The following CLCC1 variants were observed in gnomAD, a reference collection of about 807,000 sequenced individuals.
The protein encoded by CLCC1 is chloride channel CLIC-like protein 1.
In CLCC1, 39 loss-of-function variants were observed where a neutral mutation model predicts 63.3. The observed-to-expected ratio is 0.62, with a 90% CI of 0.48 to 0.81. CLCC1 has a LOEUF of 0.81. CLCC1 is among the 30% of genes least tolerant of loss of function. The probability of loss-of-function intolerance (pLI) is 0.00; values close to 1 mark genes in which losing one functional copy is unlikely to be tolerated. For synonymous variants in CLCC1, 217 were observed against 239.8 expected (o/e 0.90, Z 0.88); for missense variants, 549 against 669.4 (o/e 0.82, Z 1.98).
chr1:108,943,325 A>C (rs1654090055), intron 7 of CLCC1, 150 bp downstream of exon 7: 1 of 738,398 alleles, frequency 1.4e-6, no homozygotes, highest in Non-Finnish European at 2.3e-6. Context: ...GTCAGCTAAG[A>C]AGTGTCCATT....
chr1:108,946,915 G>A (rs988963855), intron 5 of CLCC1, among the ~76,000 whole-genome samples: 1 of 152,122 alleles, frequency 6.6e-6, no homozygotes, highest in Non-Finnish European at 1.5e-5. Context: ...TGTAATCCCA[G>A]CACTTTGGGA....
intron 2 of CLCC1, among the ~76,000 whole-genome samples, chr1:108,954,819 T>C (rs1305042564): frequency 1.1e-5 from 1 of 88,908 alleles, no homozygotes; most frequent in African/African-American, 4.7e-5. Flanking sequence ...TGTCTTTGCG[T>C]GTGTGTGTGT....
Position 108,950,439 on chromosome 1 carries a change from C to G in CLCC1, c.-2G>C. ...ACAAAGGAGCAAAGAACACAGCATC[C>G]TGTATAAGGCTAAAACAATTTTTAA... On this transcript the variant is annotated 5_prime_UTR_variant, in exon 3 of 13. Transcript: ENST00000369969. 1 of 1,562,838 alleles carries G rather than the reference C, an allele frequency of 6.4e-7. No individual in the cohort carries two copies. Among genetic ancestry groups the G allele is most frequent in the Non-Finnish European group, 8.7e-7 (1 of 1,152,552 alleles).
rs535174452 is a variant in CLCC1 at position 108,947,759 on chromosome 1, G to A, written c.232-41C>T. The A allele has an allele frequency of 5.2e-6, 7 of 1,347,052 alleles. No individual in the cohort carries two copies. In the South Asian group the frequency reaches 8.7e-5, roughly 17 times the overall value. The allele number at this position is 1,347,052 out of a possible 1,614,324, so 83.4% of individuals were successfully genotyped here. A position where few individuals can be genotyped will look rare whatever the true frequency, so the allele number is the denominator to read the frequency against. On this transcript the variant is annotated intron_variant, in intron 4 of 12. Coordinates refer to ENST00000369969, the MANE Select transcript of CLCC1 (RefSeq NM_001377458.1). ...CAATTCAACATTAGTTAGAGTCAAA[G>A]TATAATATAAGGGTTAAGTTTCTAG... is the stretch of plus-strand genomic sequence containing the variant.
In CLCC1 at chr1:108,929,761, G is replaced by C. The variant is rs727503087; in HGVS notation, c.*2786C>G. 25 of 1,613,264 alleles carry C rather than the reference G, an allele frequency of 1.5e-5. No homozygotes were observed. Among genetic ancestry groups the C allele is most frequent in the Non-Finnish European group, 2.0e-5 (24 of 1,179,336 alleles). ...ACCTGCTACCACAAAGGGTCCGACA[G>C]TACCAGATGAAGACTTTTTCAGCCT... is the stretch of plus-strand genomic sequence containing the variant. On this transcript the variant is annotated 3_prime_UTR_variant, in exon 13 of 13. Coordinates refer to ENST00000369969, the MANE Select transcript of CLCC1 (RefSeq NM_001377458.1).
chr1:108,943,995 C>A lies in CLCC1; in HGVS notation c.402G>T (p.Leu134Phe), dbSNP rs771208913. 8.7e-6 allele frequency: 14 copies of A among 1,613,428 alleles called. No homozygotes were observed. The highest frequency in any genetic ancestry group is 1.3e-5 in the African/African-American group (1 of 74,886). ...DAEIILKRET[L>F]LEIQKFLNGE... Reference sequence around the variant, plus strand: ...CATTGAGAAACTTCTGTATTTCTAACAAAGTTTCTCTTTTAAGGATAATCT... The same window carrying A: ...CATTGAGAAACTTCTGTATTTCTAAAAAAGTTTCTCTTTTAAGGATAATCT... The change falls in exon 6 of 13, where the codon TTG becomes TTT. Residue 134 changes from leucine to phenylalanine, a missense_variant. Transcript: ENST00000369969.
chr1:108,961,328 G>C (rs1193163075), intron 2 of CLCC1, among the ~76,000 whole-genome samples: 3 of 149,806 alleles, frequency 2.0e-5, no homozygotes, highest in Non-Finnish European at 4.4e-5. Flanking sequence ...TCTGAGGTAG[G>C]TCTGAGATCT....
chr1:108,941,401 T>C lies in CLCC1; in HGVS notation c.796+4A>G. 1.2e-6 allele frequency: 2 copies of C among 1,612,348 alleles called. No homozygotes were observed. Among genetic ancestry groups the C allele is most frequent in the Non-Finnish European group, 1.7e-6 (2 of 1,178,932 alleles). On this transcript the variant is annotated splice_donor_region_variant and intron_variant, in intron 8 of 12. Coordinates refer to ENST00000369969, the MANE Select transcript of CLCC1 (RefSeq NM_001377458.1). ...AAATAAGGACAAGTGCACAAACACCTTACCCCAGATACTTCCAGTCCAGTC... is the reference window on the plus strand; with the variant it reads ...AAATAAGGACAAGTGCACAAACACCCTACCCCAGATACTTCCAGTCCAGTC...
chr1:108,931,681 T>A lies in CLCC1; in HGVS notation c.*866A>T. On this transcript the variant is annotated 3_prime_UTR_variant, in exon 13 of 13. Transcript: ENST00000369969. The stretch of plus-strand genomic sequence containing the variant: ...AACCTGGATTACATTATGTTTCATG[T>A]ATACTATAAGGTATGATGTCCTGGA... 1.4e-6 allele frequency: 1 copy of A among 733,656 alleles called. No homozygotes were observed. Among genetic ancestry groups the A allele is most frequent in the Non-Finnish European group, 2.0e-6 (1 of 495,272 alleles). The allele number at this position is 733,656 out of a possible 1,614,324, so 45.4% of individuals were successfully genotyped here. A position where few individuals can be genotyped will look rare whatever the true frequency, so the allele number is the denominator to read the frequency against.
At chr1:108,944,997 A>C (rs1654359976) in intron 5 of CLCC1, among the ~76,000 whole-genome samples, 2 of 152,224 alleles carry the variant, frequency 1.3e-5, no homozygotes, top group Non-Finnish European at 2.9e-5. Context: ...TTACTCCTAT[A>C]ATAAATACAG....
Position 108,949,798 on chromosome 1 carries a change from AT to A in CLCC1, c.231+21del, listed in dbSNP as rs112419024. On this transcript the variant is annotated intron_variant, in intron 4 of 12. Coordinates refer to ENST00000369969, the MANE Select transcript of CLCC1 (RefSeq NM_001377458.1). ...ATTTAACATAATATAAAAATATAAA[AT>A]TTATCAATAAAAAAACTAACCTTAT... 2.5e-3 allele frequency: 3,131 copies of A among 1,254,280 alleles called. 58 individuals are homozygous for A. In the African/African-American group the frequency reaches 0.043, roughly 17 times the overall value. 77.7% of individuals were successfully genotyped at this position (1,254,280 alleles called of 1,614,324 possible).
At position 108,931,222 on chromosome 1, in the gene CLCC1, A is replaced by AAAAC; in HGVS notation, c.*1321_*1324dup. On this transcript the variant is annotated 3_prime_UTR_variant, in exon 13 of 13. Transcript: ENST00000369969. ...GAACCTAGGACACATAAACAAACAGAAAACAGATGAAAACTCACAAAAATT... is the reference window on the plus strand; with the variant it reads ...GAACCTAGGACACATAAACAAACAGAAAACAAACAGATGAAAACTCACAAAAATT... 2 of 1,330,640 alleles carry AAAAC rather than the reference A, an allele frequency of 1.5e-6. No homozygotes were observed. The highest frequency in any genetic ancestry group is 1.0e-6 in the Non-Finnish European group (1 of 1,000,360). The allele number at this position is 1,330,640 out of a possible 1,614,324, so 82.4% of individuals were successfully genotyped here.
intron 2 of CLCC1, among the ~76,000 whole-genome samples, chr1:108,951,824 A>G (rs1009076484): frequency 6.8e-6 from 1 of 146,762 alleles, no homozygotes; most frequent in African/African-American, 2.5e-5. Flanking sequence ...GCTGGAGTGC[A>G]GTGGCACAAT....
chr1:108,937,762 G>A (rs2101628275), intron 10 of CLCC1, among the ~76,000 whole-genome samples: 1 of 152,260 alleles, frequency 6.6e-6, no homozygotes. Context: ...ATCATATAAG[G>A]TAAATGCTGA....
chr1:108,959,385 C>T (rs966559557), intron 2 of CLCC1, among the ~76,000 whole-genome samples: 1 of 151,660 alleles, frequency 6.6e-6, no homozygotes, highest in African/African-American at 2.4e-5. Context: ...GAAAAAAAAG[C>T]TCATATGATG....
At position 108,931,426 on chromosome 1, in the gene CLCC1, G is replaced by A. The variant is rs1651951934; in HGVS notation, c.*1121C>T. 2 of 1,551,028 alleles carry A rather than the reference G, an allele frequency of 1.3e-6. No individual in the cohort carries two copies. The highest frequency in any genetic ancestry group is 1.7e-6 in the Non-Finnish European group (2 of 1,147,072). Reference sequence around the variant, plus strand: ...TAACACTGGATCACAGACTGCAAAGGCCCACGCTTGGAACAAGTTGCCAAC... The same window carrying A: ...TAACACTGGATCACAGACTGCAAAGACCCACGCTTGGAACAAGTTGCCAAC... On this transcript the variant is annotated 3_prime_UTR_variant, in exon 13 of 13. Coordinates refer to ENST00000369969, the MANE Select transcript of CLCC1 (RefSeq NM_001377458.1).
intron 10 of CLCC1, 132 bp downstream of exon 10, chr1:108,939,504 T>A: frequency 1.5e-6 from 1 of 655,112 alleles, no homozygotes; most frequent in Middle Eastern, 4.6e-4. Context: ...AGAGACAGGG[T>A]TTCACTGTGT....
chr1:108,963,142 C>T (rs983170794), intron 1 of CLCC1, among the ~76,000 whole-genome samples: 19 of 152,256 alleles, frequency 1.2e-4, no homozygotes, highest in African/African-American at 3.9e-4. Context: ...GGAACGCGCG[C>T]AACCGCGGCG....
chr1:108,962,866 G>A (rs1197115188), intron 1 of CLCC1, among the ~76,000 whole-genome samples: 2 of 112,404 alleles, frequency 1.8e-5, no homozygotes, highest in Non-Finnish European at 3.8e-5. Flanking sequence ...GCAAGACTCC[G>A]TCTCAAAAAA....
Sources: allele counts gnomAD v4.1 joint callset (sites outside exome capture counted in the v4.1 genomes callset), GRCh38; gene constraint gnomAD v4.1.1; transcripts MANE v1.5; gene names NCBI Gene and HGNC (gene_info 2026-07-23, HGNC 2026-07-21).